ZNF407: variants seen among roughly 807,000 people sequenced by gnomAD.
ZNF407 encodes zinc finger protein 407.
A neutral mutation model predicts 131.2 loss-of-function variants in ZNF407; 17 were observed. That is an observed-to-expected ratio of 0.13 (90% confidence interval 0.09 to 0.19). ZNF407 has a LOEUF of 0.19. ZNF407 is among the 10% of genes least tolerant of loss of function. The pLI is 1.00. For synonymous variants in ZNF407, 1,156 were observed against 1,062.0 expected (o/e 1.09, Z -1.72); for missense variants, 2,681 against 2,830.6 (o/e 0.95, Z 1.20).
chr18:74,643,146 TAAA>T (rs1054850484), intron 3 of ZNF407, among the ~76,000 whole-genome samples: 1 of 151,978 alleles, frequency 6.6e-6, no homozygotes, highest in Non-Finnish European at 1.5e-5. Context: ...GTAAAAAACA[TAAA>T]AAAGTGCAAG....
At chr18:74,867,546 A>T (rs964144185) in intron 4 of ZNF407, among the ~76,000 whole-genome samples, 1 of 152,182 alleles carries the variant, frequency 6.6e-6, no homozygotes, top group South Asian at 2.1e-4. Flanking sequence ...CCAGACACTT[A>T]CTAGCTGCTT....
chr18:74,867,273 A>G lies in ZNF407; in HGVS notation c.4878-9924A>G, dbSNP rs371518569. Among the ~76,000 whole-genome samples, 353 of 152,298 alleles carry G rather than the reference A, an allele frequency of 2.3e-3. 5 individuals carry two copies. The highest frequency in any genetic ancestry group is 7.3e-3 in the African/African-American group (303 of 41,560). On this transcript the variant is annotated intron_variant, in intron 4 of 8. Transcript: ENST00000299687. ...GTTTAGAAAACTGCTACTGTTTGTA[A>G]ACTATACGATATACGATAGACCTTT...
chr18:74,840,475 T>C (rs1970616601), intron 4 of ZNF407, among the ~76,000 whole-genome samples: 1 of 152,178 alleles, frequency 6.6e-6, no homozygotes, highest in Non-Finnish European at 1.5e-5. Context: ...GTGGAAAAAC[T>C]CGTTTATTCT....
chr18:74,811,281 C>T (rs1415988652), intron 4 of ZNF407, among the ~76,000 whole-genome samples: 2 of 152,092 alleles, frequency 1.3e-5, no homozygotes, highest in Non-Finnish European at 2.9e-5. Flanking sequence ...AAAATGCTCA[C>T]CATCACTGGC....
At chr18:74,672,133 C>T (rs1432832584) in intron 3 of ZNF407, among the ~76,000 whole-genome samples, 2 of 152,188 alleles carry the variant, frequency 1.3e-5, no homozygotes, top group African/African-American at 4.8e-5. Flanking sequence ...AATTGCCACA[C>T]TGCTTTCCAC....
chr18:74,988,817 T>A (rs1261147726), intron 8 of ZNF407, among the ~76,000 whole-genome samples: 1 of 152,114 alleles, frequency 6.6e-6, no homozygotes, highest in African/African-American at 2.4e-5. Flanking sequence ...AAAGACAACC[T>A]ATACCAAATG....
chr18:74,851,801 G>A (rs1053217617), intron 4 of ZNF407, among the ~76,000 whole-genome samples: 4 of 152,292 alleles, frequency 2.6e-5, no homozygotes, highest in Admixed American at 6.5e-5. Flanking sequence ...GAACAATACA[G>A]AACAAAACGA....
chr18:74,608,526 TG>T (rs1488620852), intron 1 of ZNF407, among the ~76,000 whole-genome samples: 3 of 152,130 alleles, frequency 2.0e-5, no homozygotes, highest in African/African-American at 7.2e-5. Flanking sequence ...TTTGTGTTTT[TG>T]GTAGATACGT....
rs962575453 is a variant in ZNF407, at chr18:74,724,328, C to A, written c.4803-57100C>A. 2.6e-5 allele frequency among the ~76,000 whole-genome samples: 4 copies of A among 152,182 alleles called. No homozygotes were observed. The South Asian group carries it at 8.3e-4, about 32-fold the overall frequency. On this transcript the variant is annotated intron_variant, in intron 3 of 8. Transcript: ENST00000299687. ...TCCCTACTTGAAATATTTATCATTT[C>A]TTTGTGGTGACAACATTCAGAATCT...
At chr18:74,988,084 A>C (rs1253802285) in intron 8 of ZNF407, among the ~76,000 whole-genome samples, 1 of 152,260 alleles carries the variant, frequency 6.6e-6, no homozygotes, top group Non-Finnish European at 1.5e-5. Context: ...ATATGGATGC[A>C]AGAAACATAG....
In ZNF407 at chr18:75,064,263, A is replaced by G. The variant is rs1291368315; in HGVS notation, c.6542A>G (p.Asp2181Gly). The G allele has an allele frequency of 1.4e-5, 23 of 1,605,214 alleles. No homozygotes were observed. The highest frequency in any genetic ancestry group is 2.2e-5 in the East Asian group (1 of 44,670). ...ILTELPPGVQ[D>G]EPGLYSHTVL... ...ACAGAGCTGCCCCCAGGGGTGCAGG[A>G]CGAGCCGGGCCTGTACTCCCACACC... The change falls in exon 9 of 9, where the codon GAC becomes GGC. Residue 2181 changes from aspartate (D) to glycine (G), a missense_variant. Coordinates refer to ENST00000299687, the MANE Select transcript of ZNF407 (RefSeq NM_017757.3).
intron 3 of ZNF407, among the ~76,000 whole-genome samples, chr18:74,684,639 A>G (rs1365930115): frequency 6.6e-6 from 1 of 152,248 alleles, no homozygotes; most frequent in Non-Finnish European, 1.5e-5. Context: ...AATAATTTGA[A>G]AAGCACCTGA....
rs557006646 is a variant in ZNF407 at position 74,877,269 on chromosome 18, C to T, written c.4950C>T (p.His1650=). ...CCCTGAACAACCACATGAAACTCCA[C>T]ACGGGAGAAAAGCCGTTTAAATGTA... is the stretch of plus-strand genomic sequence containing the variant. ...KWALNNHMKL[H]TGEKPFKCTW... is the part of the protein sequence containing the mutation. The change falls in exon 5 of 9, where the codon CAC becomes CAT. Residue 1650 remains histidine (H), a synonymous_variant. Transcript: ENST00000299687. The T allele has an allele frequency of 4.3e-6, 7 of 1,613,986 alleles. No homozygotes were observed. The highest frequency in any genetic ancestry group is 3.3e-5 in the Admixed American group (2 of 60,036).
rs745565326 is a variant in ZNF407, at chr18:74,641,015, A to G, written c.4695A>G (p.Lys1565=). 5.0e-6 allele frequency: 8 copies of G among 1,612,816 alleles called. No individual in the cohort carries two copies. In the South Asian group the frequency reaches 6.6e-5, roughly 13 times the overall value. Residue 1565 remains lysine (K), a synonymous_variant, in exon 3 of 9, where the codon AAA becomes AAG. Transcript: ENST00000299687. Reference sequence around the variant, plus strand: ...TATGTTAAATTTACTCAGGATCAAAACCATTCAAGTGCAAGATATGCCATT... The same window carrying G: ...TATGTTAAATTTACTCAGGATCAAAGCCATTCAAGTGCAAGATATGCCATT... ...LAHIRTHTGS[K]PFKCKICHFA...
intron 3 of ZNF407, among the ~76,000 whole-genome samples, chr18:74,675,195 C>A (rs1355502953): frequency 6.6e-6 from 1 of 152,216 alleles, no homozygotes; most frequent in African/African-American, 2.4e-5. Context: ...TCTGTCTCTG[C>A]TGGCTCTTTG....
Position 74,883,439 on chromosome 18 carries a change from C to T in ZNF407, c.5128+2320C>T, listed in dbSNP as rs938952701. ...TTACCTTTTTACCACAGAGTACCCA[C>T]GCAAATTATAATCAGCTTGGAAAGG... On this transcript the variant is annotated intron_variant, in intron 6 of 8. Coordinates refer to ENST00000299687, the MANE Select transcript of ZNF407 (RefSeq NM_017757.3). Among the ~76,000 whole-genome samples the T allele has an allele frequency of 9.9e-5, 15 of 152,264 alleles. 2 individuals are homozygous for T. The highest frequency in any genetic ancestry group is 7.8e-4 in the Admixed American group (12 of 15,300).
intron 4 of ZNF407, among the ~76,000 whole-genome samples, chr18:74,850,183 G>T (rs1423276386): frequency 6.6e-6 from 1 of 152,062 alleles, no homozygotes; most frequent in Non-Finnish European, 1.5e-5. Flanking sequence ...TTTACTAAAA[G>T]GTACAAGTCT....
Position 74,786,791 on chromosome 18 carries a change from A to AGGTTTTTTTTT in ZNF407, c.4877+5289_4877+5290insGGTTTTTTTTT. The stretch of plus-strand genomic sequence containing the variant: ...TTAATTGGTTTTAATGTAAAAAAGT[A>AGGTTTTTTTTT]TGTTTTTTTTTTTTTTTTTTTTTTT... On this transcript the variant is annotated intron_variant, in intron 4 of 8. Transcript: ENST00000299687. 2.6e-5 allele frequency among the ~76,000 whole-genome samples: 2 copies of AGGTTTTTTTTT among 77,696 alleles called. 1 individual carries two copies. Among genetic ancestry groups the AGGTTTTTTTTT allele is most frequent in the Non-Finnish European group, 5.2e-5 (2 of 38,812 alleles). The allele number at this position is 77,696 out of a possible 152,430, so 51.0% of individuals were successfully genotyped here.
chr18:74,947,958 C>T (rs1972172188), intron 8 of ZNF407, among the ~76,000 whole-genome samples: 1 of 152,110 alleles, frequency 6.6e-6, no homozygotes, highest in Admixed American at 6.5e-5. Context: ...CCTTCAAAAC[C>T]AAGGGTCAAA....
Sources: allele counts gnomAD v4.1 joint callset (sites outside exome capture counted in the v4.1 genomes callset), GRCh38; gene constraint gnomAD v4.1.1; transcripts MANE v1.5; gene names NCBI Gene and HGNC (gene_info 2026-07-23, HGNC 2026-07-21).